CNBD1: variants seen among roughly 807,000 people sequenced by gnomAD.
The protein encoded by CNBD1 is cyclic nucleotide-binding domain-containing protein 1.
CNBD1 carries 71 observed loss-of-function variants against 54.4 expected under a neutral mutation model. That is an observed-to-expected ratio of 1.30 (90% confidence interval 1.08 to 1.59). CNBD1 has a LOEUF of 1.59. Among genes scored for constraint, CNBD1 ranks in the 40% most tolerant of loss-of-function variants. The pLI is 0.00. For missense variants in CNBD1, 659 were observed against 518.0 expected (o/e 1.27, Z -2.64); for synonymous variants, 182 against 170.7 (o/e 1.07, Z -0.51).
chr8:87,068,117 T>G (rs1810690365), intron 4 of CNBD1, among the ~76,000 whole-genome samples: 1 of 152,052 alleles, frequency 6.6e-6, no homozygotes, highest in African/African-American at 2.4e-5. Context: ...TAATTGCAAC[T>G]GTGATTTTGA....
At chr8:86,961,210 T>C (rs1414327844) in intron 4 of CNBD1, among the ~76,000 whole-genome samples, 1 of 152,166 alleles carries the variant, frequency 6.6e-6, no homozygotes, top group Non-Finnish European at 1.5e-5. Flanking sequence ...AGCCATAAGA[T>C]AGCACTACAA....
chr8:87,411,428 T>TATATATATATATATATATATATATATA (rs1807745518), intron 2 of CNBD1, among the ~76,000 whole-genome samples: 1 of 48,712 alleles, frequency 2.1e-5, no homozygotes, highest in Non-Finnish European at 3.9e-5. Flanking sequence ...ATATATATAT[T>TATATATATATATATATATATATATATA]TCATTCACAC....
intron 6 of CNBD1, among the ~76,000 whole-genome samples, chr8:87,280,453 G>A (rs916040300): frequency 1.3e-5 from 2 of 151,378 alleles, no homozygotes; most frequent in Admixed American, 6.6e-5. Context: ...ATCTATTGAC[G>A]AGATTATGAG....
At chr8:87,226,771 C>G (rs1814508334) in intron 5 of CNBD1, among the ~76,000 whole-genome samples, 1 of 151,556 alleles carries the variant, frequency 6.6e-6, no homozygotes, top group Non-Finnish European at 1.5e-5. Context: ...TGGTGCAGAG[C>G]TGAGTTCAAT....
chr8:87,215,771 A>C (rs1215025354), intron 5 of CNBD1, among the ~76,000 whole-genome samples: 1 of 152,170 alleles, frequency 6.6e-6, no homozygotes, highest in Non-Finnish European at 1.5e-5. Flanking sequence ...TTAATCTTTT[A>C]GAGTGTACAA....
chr8:87,371,480 C>G (rs1440364903), intron 10 of CNBD1, among the ~76,000 whole-genome samples: 1 of 152,006 alleles, frequency 6.6e-6, no homozygotes, highest in East Asian at 1.9e-4. Flanking sequence ...ACTTCTAACT[C>G]ATTTTATGAG....
intron 4 of CNBD1, among the ~76,000 whole-genome samples, chr8:87,101,162 G>A (rs1039571481): frequency 1.3e-5 from 2 of 152,158 alleles, no homozygotes; most frequent in Non-Finnish European, 2.9e-5. Context: ...TAGGTGTAAA[G>A]TAGCTGGGAA....
intron 8 of CNBD1, among the ~76,000 whole-genome samples, chr8:87,313,127 C>T (rs75556373): frequency 0.011 from 1,712 of 152,044 alleles, 43 homozygotes; most frequent in African/African-American, 0.039. Context: ...ATACCATATA[C>T]CCAACTTCTG....
At chr8:87,353,969 CAT>C (rs1452589740) in intron 10 of CNBD1, 183 bp downstream of exon 10, 1 of 466,286 alleles carries the variant, frequency 2.1e-6, no homozygotes, top group South Asian at 3.4e-5. Flanking sequence ...GAAAAGGGCA[CAT>C]GTTTGTAGAG....
intron 3 of CNBD1, among the ~76,000 whole-genome samples, chr8:86,924,741 C>T (rs994536745): frequency 3.3e-5 from 5 of 152,050 alleles, no homozygotes; most frequent in African/African-American, 9.7e-5. Flanking sequence ...TATATTAAAG[C>T]TTGTCTTAAG....
At chr8:87,359,658 A>C (rs1177588471) in intron 10 of CNBD1, among the ~76,000 whole-genome samples, 1 of 152,086 alleles carries the variant, frequency 6.6e-6, no homozygotes, top group Non-Finnish European at 1.5e-5. Context: ...ATTATTTGAA[A>C]TATAGATCCA....
chr8:87,057,723 C>A (rs1810450866), intron 4 of CNBD1, among the ~76,000 whole-genome samples: 1 of 152,132 alleles, frequency 6.6e-6, no homozygotes, highest in African/African-American at 2.4e-5. Context: ...GTGGTACATA[C>A]CTGTAATCCC....
chr8:87,285,609 C>T (rs2130870648), intron 7 of CNBD1, among the ~76,000 whole-genome samples: 1 of 151,926 alleles, frequency 6.6e-6, no homozygotes, highest in East Asian at 1.9e-4. Context: ...GGTGGCACAT[C>T]CCTGTAATCC....
At chr8:87,259,981 C>T (rs896154802) in intron 6 of CNBD1, among the ~76,000 whole-genome samples, 5 of 151,984 alleles carry the variant, frequency 3.3e-5, no homozygotes, top group Admixed American at 6.6e-5. Flanking sequence ...TAAGACAGTC[C>T]GTGGACAAGA....
At position 87,419,440 on chromosome 8, in the gene CNBD1, A is replaced by G. The variant is rs1208288191; in HGVS notation, c.214-9106A>G. 2.0e-5 allele frequency among the ~76,000 whole-genome samples: 3 copies of G among 151,896 alleles called. No individual in the cohort carries two copies. The East Asian group carries it at 5.8e-4, about 29-fold the overall frequency. On this transcript the variant is annotated intron_variant, in intron 2 of 7. Transcript: ENST00000521593. ...TGTACTGTTTAAAGGCGTGAATTTT[A>G]TTGTGTGTATATCTTAATAAAAGAC... is the stretch of plus-strand genomic sequence containing the variant.
intron 10 of CNBD1, among the ~76,000 whole-genome samples, chr8:87,380,862 C>A (rs1351576575): frequency 6.6e-6 from 1 of 151,962 alleles, no homozygotes; most frequent in African/African-American, 2.4e-5. Flanking sequence ...TAAAATTGGA[C>A]CCTTACCTTG....
chr8:87,109,153 C>T (rs959741174), intron 4 of CNBD1, among the ~76,000 whole-genome samples: 1 of 151,972 alleles, frequency 6.6e-6, no homozygotes, highest in Admixed American at 6.6e-5. Flanking sequence ...TATGACATCT[C>T]ACCACCGGGA....
At chr8:87,354,341 G>T (rs918742167) in intron 10 of CNBD1, among the ~76,000 whole-genome samples, 1 of 152,052 alleles carries the variant, frequency 6.6e-6, no homozygotes, top group African/African-American at 2.4e-5. Context: ...GGGGTACTTG[G>T]TGGATCCCAG....
At chr8:87,223,611 T>C (rs1463036846) in intron 5 of CNBD1, among the ~76,000 whole-genome samples, 1 of 152,210 alleles carries the variant, frequency 6.6e-6, no homozygotes, top group Non-Finnish European at 1.5e-5. Flanking sequence ...ATGGTGTATA[T>C]GTGCCACATT....
Sources: gnomAD v4.1 joint callset for allele counts (sites outside exome capture counted in the v4.1 genomes callset) on GRCh38, gnomAD v4.1.1 for gene constraint, MANE v1.5 for transcripts, NCBI Gene and HGNC (gene_info 2026-07-23, HGNC 2026-07-21) for gene names.